Variants in ESR1 observed in about 807,000 individuals in gnomAD.
The protein encoded by ESR1 is estrogen receptor 1, also known as estrogen receptor.
In ESR1, 12 loss-of-function variants were observed where a neutral mutation model predicts 52.7. That is an observed-to-expected ratio of 0.23 (90% confidence interval 0.15 to 0.37). The LOEUF is 0.37. Ranked by LOEUF, ESR1 falls within the 10% of genes least tolerant of loss-of-function variation. The pLI is 1.00. For synonymous variants in ESR1, 305 were observed against 316.8 expected (o/e 0.96, Z 0.39); for missense variants, 584 against 779.7 (o/e 0.75, Z 2.99).
At chr6:152,088,187 C>G (rs62429678) in intron 6 of ESR1, among the ~76,000 whole-genome samples, 1 of 151,966 alleles carries the variant, frequency 6.6e-6, no homozygotes, top group Non-Finnish European at 1.5e-5. Context: ...TGCAGATGCC[C>G]AAGCTTGACT....
chr6:151,767,226 C>T (rs532861814), intron 2 of ESR1, among the ~76,000 whole-genome samples: 34 of 152,312 alleles, frequency 2.2e-4, no homozygotes, highest in African/African-American at 7.7e-4. Flanking sequence ...ATATAATTTC[C>T]ACATTTACAA....
At position 152,100,096 on chromosome 6, in the gene ESR1, C is replaced by T; in HGVS notation, c.*1130C>T. ...CCAGACTTGCTCAGGGTGGCCCTGC[C>T]ACAGGCTGCAGCTACCTAGGAACAT... is the stretch of plus-strand genomic sequence containing the variant. On this transcript the variant is annotated 3_prime_UTR_variant, in exon 8 of 8. Transcript: ENST00000206249. 2.5e-6 allele frequency: 1 copy of T among 398,848 alleles called. No homozygotes were observed. Among genetic ancestry groups the T allele is most frequent in the Non-Finnish European group, 4.4e-6 (1 of 226,238 alleles). The allele number at this position is 398,848 out of a possible 1,614,324, so 24.7% of individuals were successfully genotyped here. A position where few individuals can be genotyped will look rare whatever the true frequency, so the allele number is the denominator to read the frequency against.
rs1001851142 is a variant in ESR1 at position 151,790,361 on chromosome 6, G to A, written c.-70-17482G>A. On this transcript the variant is annotated intron_variant, in intron 2 of 2. Transcript: ENST00000404742. ...CCTTAAGATTTTCAGGTGTCACCAC[G>A]TCCACCAATTCTTGGCAGACATGAA... Among the ~76,000 whole-genome samples, 8 of 152,286 alleles carry A rather than the reference G, an allele frequency of 5.3e-5. No homozygotes were observed. In the South Asian group the frequency reaches 8.3e-4, roughly 16 times the overall value.
chr6:151,777,699 C>T (rs1302513657), intron 2 of ESR1, among the ~76,000 whole-genome samples: 1 of 152,138 alleles, frequency 6.6e-6, no homozygotes, highest in African/African-American at 2.4e-5. Flanking sequence ...GTGGCTCATG[C>T]CTGTAATCCT....
At chr6:151,787,293 T>C (rs755384723) in intron 2 of ESR1, among the ~76,000 whole-genome samples, 26 of 152,230 alleles carry the variant, frequency 1.7e-4, no homozygotes, top group Non-Finnish European at 2.9e-4. Context: ...TCCAGCTTTG[T>C]TCTTTTTGCT....
intron 2 of ESR1, among the ~76,000 whole-genome samples, chr6:151,741,303 A>T (rs76700397): frequency 1.3e-5 from 2 of 152,202 alleles, no homozygotes; most frequent in Non-Finnish European, 2.9e-5. Context: ...TTTTAAAAAT[A>T]TAATTCATTC....
At chr6:152,044,933 C>T (rs967947360) in intron 5 of ESR1, among the ~76,000 whole-genome samples, 53 of 152,174 alleles carry the variant, frequency 3.5e-4, no homozygotes, top group African/African-American at 1.3e-3. Flanking sequence ...TTAACCATCA[C>T]CCTAGGCTTT....
chr6:151,864,840 A>G (rs1161254981), intron 2 of ESR1, among the ~76,000 whole-genome samples: 2 of 151,490 alleles, frequency 1.3e-5, no homozygotes, highest in Non-Finnish European at 2.9e-5. Context: ...TTGCAAGGAC[A>G]AAAAACCAAA....
intron 1 of ESR1, among the ~76,000 whole-genome samples, chr6:151,832,529 T>C (rs1268905007): frequency 1.3e-5 from 2 of 152,146 alleles, no homozygotes; most frequent in African/African-American, 4.8e-5. Flanking sequence ...CAGAGAGAGG[T>C]ACACAGGTAA....
At chr6:151,956,843 A>ATATATAT (rs2037003332) in intron 4 of ESR1, among the ~76,000 whole-genome samples, 29 of 44,468 alleles carry the variant, frequency 6.5e-4, no homozygotes, top group African/African-American at 1.9e-3. Flanking sequence ...AATATAAATA[A>ATATATAT]ATATATATAT....
chr6:151,731,380 G>C (rs1269288997), intron 2 of ESR1, among the ~76,000 whole-genome samples: 3 of 151,792 alleles, frequency 2.0e-5, no homozygotes, highest in Non-Finnish European at 2.9e-5. Flanking sequence ...AAAGAAATGT[G>C]GGGGCAGATA....
chr6:151,842,808 A>G (rs2128234972), intron 2 of ESR1, 21 bp downstream of exon 2: 1 of 1,610,734 alleles, frequency 6.2e-7, no homozygotes, highest in Non-Finnish European at 8.5e-7. Context: ...GTTGAAAACG[A>G]CTTCTATTTT....
At chr6:151,882,820 A>G (rs1793173353) in intron 3 of ESR1, among the ~76,000 whole-genome samples, 1 of 151,994 alleles carries the variant, frequency 6.6e-6, no homozygotes, top group South Asian at 2.1e-4. Flanking sequence ...TAAATTACGC[A>G]TTCTCATTTT....
intron 4 of ESR1, among the ~76,000 whole-genome samples, chr6:151,983,118 C>G (rs907928633): frequency 6.6e-6 from 1 of 152,078 alleles, no homozygotes; most frequent in African/African-American, 2.4e-5. Context: ...CAGTGGCTAT[C>G]ATATTGGATA....
intron 3 of ESR1, among the ~76,000 whole-genome samples, chr6:151,917,898 G>A (rs992943688): frequency 6.6e-6 from 1 of 152,180 alleles, no homozygotes; most frequent in African/African-American, 2.4e-5. Context: ...GAAGATGCAC[G>A]CTCCCTACGT....
Position 151,763,107 on chromosome 6 carries a change from T to G in ESR1, c.-70-44736T>G, listed in dbSNP as rs141504467. ...AATGTTTACTGAAAGTTTACATTTT[T>G]CTCTGTATTGCTAAGAGCAATTTAT... On this transcript the variant is annotated intron_variant, in intron 2 of 2. Transcript: ENST00000404742. Among the ~76,000 whole-genome samples, 392 of 152,202 alleles carry G rather than the reference T, an allele frequency of 2.6e-3. 4 individuals carry two copies. Among genetic ancestry groups the G allele is most frequent in the African/African-American group, 9.1e-3 (380 of 41,546 alleles).
intron 2 of ESR1, among the ~76,000 whole-genome samples, chr6:151,736,502 A>C (rs1782688205): frequency 6.6e-6 from 1 of 150,946 alleles, no homozygotes; most frequent in Non-Finnish European, 1.5e-5. Flanking sequence ...CCTCCTTGGT[A>C]GCTGGGACTA....
At chr6:151,947,918 G>A (rs1357273264) in intron 4 of ESR1, among the ~76,000 whole-genome samples, 8 of 151,846 alleles carry the variant, frequency 5.3e-5, no homozygotes, top group Admixed American at 2.6e-4. Flanking sequence ...TTTATCTATC[G>A]AGAAGACTTT....
chr6:152,037,657 G>A (rs1417359024), intron 5 of ESR1, among the ~76,000 whole-genome samples: 2 of 152,268 alleles, frequency 1.3e-5, no homozygotes, highest in East Asian at 1.9e-4. Flanking sequence ...GGTTCATAAT[G>A]TGTTACCCTA....
Sources: gnomAD v4.1 joint callset for allele counts (sites outside exome capture counted in the v4.1 genomes callset) on GRCh38, gnomAD v4.1.1 for gene constraint, MANE v1.5 for transcripts, NCBI Gene and HGNC (gene_info 2026-07-23, HGNC 2026-07-21) for gene names.